The following CFAP221 variants were observed in gnomAD, a reference collection of about 807,000 sequenced individuals.
CFAP221 encodes the protein cilia- and flagella-associated protein 221.
CFAP221 carries 97 observed loss-of-function variants against 113.1 expected under a neutral mutation model. That is an observed-to-expected ratio of 0.86 (90% CI 0.73 to 1.02). The LOEUF is 1.02. Among genes scored for constraint, CFAP221 ranks in the 50% least tolerant of loss-of-function variants. The probability of loss-of-function intolerance (pLI) is 0.00; values close to 1 mark genes in which losing one functional copy is unlikely to be tolerated. For missense variants in CFAP221, 1,025 were observed against 1,013.4 expected (o/e 1.01, Z -0.16); for synonymous variants, 331 against 354.4 (o/e 0.93, Z 0.74).
chr2:119,604,035 TAAATC>T (rs1684543453), intron 8 of CFAP221, among the ~76,000 whole-genome samples: 1 of 152,250 alleles, frequency 6.6e-6, no homozygotes, highest in African/African-American at 2.4e-5. Flanking sequence ...ACTAGGAAGA[TAAATC>T]AAGGTAAGAT....
rs535866476 is a variant in CFAP221 at position 119,627,383 on chromosome 2, ACTT to A, written c.1517-266_1517-264del. ...GTCTGTGTAGAAAATGTCTTCATTT[ACTT>A]CTTTAATCTTTTTCTTTGCTTAATT... On this transcript the variant is annotated intron_variant, in intron 15 of 23. Coordinates refer to ENST00000413369, the MANE Select transcript of CFAP221 (RefSeq NM_001271049.2). Among the ~76,000 whole-genome samples, 45 of 152,176 alleles carry A rather than the reference ACTT, an allele frequency of 3.0e-4. No homozygotes were observed. In the South Asian group the frequency reaches 9.3e-3, roughly 32 times the overall value.
chr2:119,652,643 T>C (rs1483281926), intron 23 of CFAP221, among the ~76,000 whole-genome samples: 2 of 152,122 alleles, frequency 1.3e-5, no homozygotes, highest in Non-Finnish European at 2.9e-5. Flanking sequence ...CCTTGAAAAA[T>C]TGGTTTCAAA....
At chr2:119,578,761 CCTT>C (rs2104591019) in intron 6 of CFAP221, among the ~76,000 whole-genome samples, 1 of 152,276 alleles carries the variant, frequency 6.6e-6, no homozygotes, top group East Asian at 1.9e-4. Context: ...TGTCAGTTAA[CCTT>C]CTTTTTCCAG....
At chr2:119,601,416 CT>C (rs1276505040) in intron 8 of CFAP221, 39 bp downstream of exon 8, 5 of 1,448,832 alleles carry the variant, frequency 3.5e-6, no homozygotes, top group South Asian at 1.4e-5. Flanking sequence ...ATTTTTAACC[CT>C]TTTTTGAAAA....
chr2:119,560,739 C>G (rs1681186325), intron 5 of CFAP221, among the ~76,000 whole-genome samples: 1 of 152,068 alleles, frequency 6.6e-6, no homozygotes, highest in Non-Finnish European at 1.5e-5. Context: ...GGCAAATTTC[C>G]TACAATCTGC....
chr2:119,596,661 G>A (rs570945094), intron 7 of CFAP221, among the ~76,000 whole-genome samples: 10 of 152,346 alleles, frequency 6.6e-5, no homozygotes, highest in East Asian at 5.8e-4. Context: ...AAAAGCTTGC[G>A]GGAGGGAGAA....
At chr2:119,566,040 A>G (rs1022156531) in intron 6 of CFAP221, among the ~76,000 whole-genome samples, 1 of 152,166 alleles carries the variant, frequency 6.6e-6, no homozygotes, top group African/African-American at 2.4e-5. Flanking sequence ...CTAAATAGAC[A>G]GTTTCCATTC....
chr2:119,593,973 C>A (rs1300386209), intron 7 of CFAP221, among the ~76,000 whole-genome samples: 1 of 152,220 alleles, frequency 6.6e-6, no homozygotes, highest in Non-Finnish European at 1.5e-5. Flanking sequence ...TGACCCAACA[C>A]CTTCCACCAG....
At chr2:119,656,084 A>G (rs1688417277) in intron 23 of CFAP221, 3 of 414,988 alleles carry the variant, frequency 7.2e-6, no homozygotes, top group South Asian at 5.1e-5. Context: ...GGAGATGGGA[A>G]TTACACCATT....
At chr2:119,647,730 A>G (rs955240582) in intron 22 of CFAP221, among the ~76,000 whole-genome samples, 5 of 152,154 alleles carry the variant, frequency 3.3e-5, no homozygotes, top group African/African-American at 9.7e-5. Context: ...TTATTATATC[A>G]CCACATAATT....
intron 6 of CFAP221, among the ~76,000 whole-genome samples, chr2:119,579,264 C>T (rs1433791916): frequency 1.3e-5 from 2 of 151,708 alleles, no homozygotes; most frequent in African/African-American, 4.8e-5. Flanking sequence ...ATTCAGTATC[C>T]TACTCACTTC....
chr2:119,553,888 G>A (rs1680598152), intron 3 of CFAP221, among the ~76,000 whole-genome samples: 1 of 152,178 alleles, frequency 6.6e-6, no homozygotes, highest in African/African-American at 2.4e-5. Flanking sequence ...AGTGAAGGAT[G>A]TGGAACTCAC....
At chr2:119,634,385 C>T (rs546481257) in intron 19 of CFAP221, among the ~76,000 whole-genome samples, 218 of 152,078 alleles carry the variant, frequency 1.4e-3, no homozygotes, top group African/African-American at 5.1e-3. Flanking sequence ...GAGGATCATT[C>T]GAGCCCAGGA....
Position 119,611,693 on chromosome 2 carries a change from G to GA in CFAP221, c.1263dup (p.Leu422ThrfsTer2), listed in dbSNP as rs1558961158. 1 of 1,613,796 alleles carries GA rather than the reference G, an allele frequency of 6.2e-7. No homozygotes were observed. Among genetic ancestry groups the GA allele is most frequent in the East Asian group, 2.2e-5 (1 of 44,854 alleles). Reference sequence around the variant, plus strand: ...CCTATTTTGGATGAGGAATTTCAGCGACTTAAAACAGAAGTTAGCCATAAA... The same window carrying GA: ...CCTATTTTGGATGAGGAATTTCAGCGAACTTAAAACAGAAGTTAGCCATAAA... On this transcript the variant is annotated frameshift_variant, in exon 13 of 24. Transcript: ENST00000413369. LOFTEE classifies it high-confidence loss of function.
In CFAP221 at chr2:119,546,181, C is replaced by T. The variant is rs1680037374; in HGVS notation, c.50C>T (p.Pro17Leu). The change falls in exon 2 of 24, where the codon CCC (proline) becomes CTC (leucine). Residue 17 changes from proline (P) to leucine (L), a missense_variant. Pro to Leu is a moderately conservative substitution (Grantham distance 98). Coordinates refer to ENST00000413369, the MANE Select transcript of CFAP221 (RefSeq NM_001271049.2). ...PSRGLKNAKE[P>L]FNNASPHLLK... is the part of the protein sequence containing the mutation. ...AGAGGACTAAAGAATGCTAAAGAAC[C>T]CTTTAATAATGCATCACCCCATCTC... The T allele has an allele frequency of 3.3e-6, 5 of 1,535,628 alleles. No homozygotes were observed. The highest frequency in any genetic ancestry group is 2.4e-5 in the East Asian group (1 of 40,906).
intron 6 of CFAP221, chr2:119,573,306 G>GA (rs970075062): frequency 7.2e-5 from 11 of 152,152 alleles, no homozygotes; most frequent in African/African-American, 2.7e-4. Context: ...TACTCGGAGA[G>GA]AAAAAATTCA....
In CFAP221 at chr2:119,656,489, T is replaced by C. The variant is rs751215021; in HGVS notation, c.*19T>C. The stretch of plus-strand genomic sequence containing the variant: ...AGAATGAAAGTCACCAGTAGGTCAG[T>C]CCCTTCCATTTGCTTTCCGTGGGCC... On this transcript the variant is annotated 3_prime_UTR_variant, in exon 24 of 24. Coordinates refer to ENST00000413369, the MANE Select transcript of CFAP221 (RefSeq NM_001271049.2). 3.2e-6 allele frequency: 5 copies of C among 1,585,414 alleles called. No homozygotes were observed. The highest frequency in any genetic ancestry group is 4.3e-6 in the Non-Finnish European group (5 of 1,154,582).
At chr2:119,545,781 C>T (rs1235067901) in intron 1 of CFAP221, among the ~76,000 whole-genome samples, 1 of 152,026 alleles carries the variant, frequency 6.6e-6, no homozygotes, top group Non-Finnish European at 1.5e-5. Context: ...TTTATTTTTC[C>T]CTTCTCGGGC....
At chr2:119,562,671 C>CT (rs945994779) in intron 6 of CFAP221, among the ~76,000 whole-genome samples, 2 of 152,194 alleles carry the variant, frequency 1.3e-5, no homozygotes, top group East Asian at 3.8e-4. Context: ...AGATTCTCTC[C>CT]TTTTTTTGGT....
Sources: allele counts gnomAD v4.1 joint callset (sites outside exome capture counted in the v4.1 genomes callset), GRCh38; gene constraint gnomAD v4.1.1; transcripts MANE v1.5; gene names NCBI Gene and HGNC (gene_info 2026-07-23, HGNC 2026-07-21).